Variants in CHRM2 observed in about 807,000 individuals in gnomAD.
The protein encoded by CHRM2 is muscarinic acetylcholine receptor M2.
CHRM2 carries 8 observed loss-of-function variants against 25.0 expected under a neutral mutation model. The observed-to-expected ratio is 0.32, with a 90% CI of 0.19 to 0.58. The LOEUF is 0.58. Ranked by LOEUF, CHRM2 falls within the 20% of genes least tolerant of loss-of-function variation. CHRM2 has a pLI of 0.88. For missense variants in CHRM2, 440 were observed against 567.1 expected (o/e 0.78, Z 2.28); for synonymous variants, 202 against 205.7 (o/e 0.98, Z 0.15).
chr7:136,985,504 CAAAA>C (rs974105875), intron 2 of CHRM2, among the ~76,000 whole-genome samples: 2 of 59,756 alleles, frequency 3.3e-5, no homozygotes, highest in East Asian at 5.7e-4. Context: ...AGTTAGACTC[CAAAA>C]AAAAAAAAAA....
At chr7:136,916,669 A>C (rs981870968) in intron 2 of CHRM2, among the ~76,000 whole-genome samples, 8 of 150,270 alleles carry the variant, frequency 5.3e-5, no homozygotes, top group South Asian at 4.2e-4. Flanking sequence ...AATATTACAT[A>C]TATTAATATT....
At chr7:136,873,887 G>A (rs1795942950) in intron 2 of CHRM2, among the ~76,000 whole-genome samples, 1 of 152,224 alleles carries the variant, frequency 6.6e-6, no homozygotes, top group Non-Finnish European at 1.5e-5. Flanking sequence ...GTCAGTGATT[G>A]CCTCTGGCAG....
At chr7:136,995,771 AAAT>A (rs1254558890) in intron 3 of CHRM2, among the ~76,000 whole-genome samples, 1 of 152,028 alleles carries the variant, frequency 6.6e-6, no homozygotes, top group East Asian at 1.9e-4. Flanking sequence ...GTCTCTAAAT[AAAT>A]AAATAAATAA....
chr7:136,965,248 G>T (rs1375276253), intron 2 of CHRM2, among the ~76,000 whole-genome samples: 1 of 151,892 alleles, frequency 6.6e-6, no homozygotes, highest in Admixed American at 6.6e-5. Flanking sequence ...ATGGTGAGGG[G>T]ATTAAAACAT....
intron 2 of CHRM2, among the ~76,000 whole-genome samples, chr7:136,909,748 CCTT>C (rs1441145330): frequency 6.6e-6 from 1 of 151,858 alleles, no homozygotes; most frequent in Non-Finnish European, 1.5e-5. Flanking sequence ...AGATGCACTT[CCTT>C]CTTCAATTTA....
chr7:136,938,318 T>C, intron 2 of CHRM2: 2 of 1,365,058 alleles, frequency 1.5e-6, no homozygotes, highest in Non-Finnish European at 2.1e-6. Flanking sequence ...TCGAACATGT[T>C]GTCCATGTTG....
intron 2 of CHRM2, among the ~76,000 whole-genome samples, chr7:136,933,573 CCTT>C (rs1295672126): frequency 6.6e-6 from 1 of 152,114 alleles, no homozygotes; most frequent in African/African-American, 2.4e-5. Flanking sequence ...CAACAATTCT[CCTT>C]CTAGTAAAAT....
At chr7:136,881,927 T>G (rs1176938844) in intron 2 of CHRM2, among the ~76,000 whole-genome samples, 1 of 152,070 alleles carries the variant, frequency 6.6e-6, no homozygotes, top group African/African-American at 2.4e-5. Flanking sequence ...GTTAAAAAAC[T>G]GAAAACCTAG....
chr7:136,938,620 G>T, intron 2 of CHRM2: 1 of 863,854 alleles, frequency 1.2e-6, no homozygotes, highest in African/African-American at 1.7e-5. Flanking sequence ...CCACTCGGGA[G>T]AAGCTCGAGG....
intron 2 of CHRM2, among the ~76,000 whole-genome samples, chr7:136,941,715 A>G (rs1455133393): frequency 6.6e-6 from 1 of 152,118 alleles, no homozygotes; most frequent in Non-Finnish European, 1.5e-5. Context: ...AGTGTCACTG[A>G]GCTTGTTTTG....
At chr7:136,896,112 T>C (rs1450669014) in intron 2 of CHRM2, among the ~76,000 whole-genome samples, 1 of 152,208 alleles carries the variant, frequency 6.6e-6, no homozygotes, top group African/African-American at 2.4e-5. Flanking sequence ...CCTTTACTTT[T>C]TTTTCTAAAA....
At chr7:136,957,897 C>A (rs905176494) in intron 2 of CHRM2, among the ~76,000 whole-genome samples, 22 of 152,250 alleles carry the variant, frequency 1.4e-4, no homozygotes, top group African/African-American at 5.1e-4. Flanking sequence ...TAAATCAATT[C>A]ACTAAGAATA....
chr7:136,911,322 A>C (rs1371971499), intron 2 of CHRM2, among the ~76,000 whole-genome samples: 1 of 151,966 alleles, frequency 6.6e-6, no homozygotes, highest in African/African-American at 2.4e-5. Context: ...TAACATTTAT[A>C]TAGTGTTTTC....
chr7:136,883,125 C>T (rs537420240), intron 2 of CHRM2, among the ~76,000 whole-genome samples: 184 of 152,202 alleles, frequency 1.2e-3, no homozygotes, highest in African/African-American at 4.1e-3. Context: ...TAGGGCTTAG[C>T]GTTCCCTCCT....
chr7:136,986,780 A>C (rs1430675984), intron 2 of CHRM2, among the ~76,000 whole-genome samples: 1 of 152,172 alleles, frequency 6.6e-6, no homozygotes, highest in African/African-American at 2.4e-5. Context: ...AAAACATATA[A>C]GTTACCCAGG....
intron 2 of CHRM2, among the ~76,000 whole-genome samples, chr7:136,904,863 G>C (rs1424387): frequency 0.22 from 33,799 of 151,728 alleles, 4,930 homozygotes; most frequent in Non-Finnish European, 0.32. Flanking sequence ...AGGAGCTTAG[G>C]TTTGAATTCT....
At chr7:136,885,383 T>C (rs1796422890) in intron 2 of CHRM2, among the ~76,000 whole-genome samples, 1 of 152,222 alleles carries the variant, frequency 6.6e-6, no homozygotes, top group Admixed American at 6.5e-5. Context: ...GGGTATCATC[T>C]GTATAGCCAC....
chr7:136,870,286 C>A (rs1057413241), intron 2 of CHRM2: 1 of 152,384 alleles, frequency 6.6e-6, no homozygotes, highest in East Asian at 2.0e-4. Flanking sequence ...CACCTGAGGT[C>A]CCAGGCAATC....
chr7:136,901,571 T>C (rs17495548), intron 2 of CHRM2, among the ~76,000 whole-genome samples: 35,228 of 151,930 alleles, frequency 0.23, 5,065 homozygotes, highest in Non-Finnish European at 0.32. Context: ...GCAATGATCT[T>C]TGGACCCTAA....
Sources: allele counts gnomAD v4.1 joint callset (sites outside exome capture counted in the v4.1 genomes callset), GRCh38; gene constraint gnomAD v4.1.1; transcripts MANE v1.5; gene names NCBI Gene and HGNC (gene_info 2026-07-23, HGNC 2026-07-21).